The following FAM178B variants were observed in gnomAD, a reference collection of about 807,000 sequenced individuals.
FAM178B encodes the protein protein FAM178B.
In FAM178B, 82 loss-of-function variants were observed where a neutral mutation model predicts 91.7. The ratio of observed to expected loss-of-function variants is 0.89; its 90% confidence interval spans 0.75 to 1.07. The LOEUF (loss-of-function observed/expected upper bound fraction) is 1.07, where lower values mean the gene tolerates loss of function less well. Among genes scored for constraint, FAM178B ranks in the 50% least tolerant of loss-of-function variants. The probability of loss-of-function intolerance (pLI) is 0.00; values close to 1 mark genes in which losing one functional copy is unlikely to be tolerated. For synonymous variants in FAM178B, 368 were observed against 359.4 expected (o/e 1.02, Z -0.27); for missense variants, 769 against 846.7 (o/e 0.91, Z 1.14).
At position 96,921,221 on chromosome 2, in the gene FAM178B, G is replaced by C; in HGVS notation, c.1506C>G (p.His502Gln). The change falls in exon 12 of 17, where the codon CAC becomes CAG. Residue 502 changes from histidine (H) to glutamine (Q), a missense_variant. Physicochemically the swap from His to Gln is conservative, Grantham distance 24. Transcript: ENST00000490605. The part of the protein sequence containing the change: ...LCCTLSWVSD[H>Q]HHNLLALVQF... ...GCACGAGGGCCAGCAGGTTGTGGTG[G>C]TGGTCAGACACCCAGCTCAGGGTGC... 1 of 1,551,602 alleles carries C rather than the reference G, an allele frequency of 6.4e-7. No homozygotes were observed. The highest frequency in any genetic ancestry group is 1.2e-5 in the South Asian group (1 of 84,060).
chr2:96,932,525 C>T (rs895236424), intron 8 of FAM178B, among the ~76,000 whole-genome samples: 4 of 152,200 alleles, frequency 2.6e-5, no homozygotes, highest in African/African-American at 4.8e-5. Context: ...GGAGAGCTGA[C>T]ACAGAGGAAA....
intron 8 of FAM178B, among the ~76,000 whole-genome samples, chr2:96,945,614 C>T (rs1437296032): frequency 2.0e-5 from 3 of 152,216 alleles, no homozygotes; most frequent in Non-Finnish European, 4.4e-5. Flanking sequence ...CTATCCTGAG[C>T]TCTGTGCCCC....
chr2:96,904,518 C>T (rs1477280802), intron 12 of FAM178B, among the ~76,000 whole-genome samples: 6 of 151,020 alleles, frequency 4.0e-5, no homozygotes, highest in Non-Finnish European at 7.4e-5. Flanking sequence ...ACTACAGTCA[C>T]GCACGCGCCA....
Position 96,986,551 on chromosome 2 carries a change from CGCCAGCTGGGGAGCTCGCCG to C in FAM178B, c.-258_-239del. ...GCGGCCAGCTCACAGCCGCCGCCGC[CGCCAGCTGGGGAGCTCGCCG>C]GCCAAGTGCGCACCCTCTTCCTGTT... is the stretch of plus-strand genomic sequence containing the variant. On this transcript the variant is annotated 5_prime_UTR_variant, in exon 1 of 17. Coordinates refer to ENST00000490605, the MANE Select transcript of FAM178B (RefSeq NM_001122646.3). The C allele has an allele frequency of 1.9e-6, 1 of 524,244 alleles. No homozygotes were observed. The highest frequency in any genetic ancestry group is 3.4e-6 in the Non-Finnish European group (1 of 297,282). 32.5% of individuals were successfully genotyped at this position (524,244 alleles called of 1,614,324 possible). A position where few individuals can be genotyped will look rare whatever the true frequency, so the allele number is the denominator to read the frequency against.
At chr2:96,914,624 C>T (rs912916681) in intron 12 of FAM178B, among the ~76,000 whole-genome samples, 4 of 152,204 alleles carry the variant, frequency 2.6e-5, no homozygotes, top group African/African-American at 9.6e-5. Context: ...CACTGTGGCT[C>T]ATGCCTGTGA....
At chr2:96,935,063 C>A (rs914418574) in intron 8 of FAM178B, among the ~76,000 whole-genome samples, 1 of 152,178 alleles carries the variant, frequency 6.6e-6, no homozygotes, top group South Asian at 2.1e-4. Context: ...GCACTCGAGG[C>A]CCCCGGTATG....
chr2:96,978,628 CT>C (rs70964892), intron 1 of FAM178B, among the ~76,000 whole-genome samples: 99,666 of 134,558 alleles, frequency 0.74, 37,531 homozygotes, highest in Non-Finnish European at 0.84. Flanking sequence ...ATGATTTCTT[CT>C]TTTTTTTTTT....
intron 5 of FAM178B, among the ~76,000 whole-genome samples, chr2:96,965,844 T>C (rs1411940475): frequency 6.6e-6 from 1 of 152,090 alleles, no homozygotes; most frequent in Non-Finnish European, 1.5e-5. Flanking sequence ...TTGAGTCCTC[T>C]CTTACTCCTA....
intron 1 of FAM178B, 28 bp downstream of exon 1, chr2:96,986,213 T>G: frequency 6.5e-7 from 1 of 1,534,214 alleles, no homozygotes; most frequent in Non-Finnish European, 8.7e-7. Context: ...CACGCGCCCC[T>G]GCGGTTCCTC....
chr2:96,956,017 G>C (rs1244214846), intron 6 of FAM178B, among the ~76,000 whole-genome samples: 1 of 152,188 alleles, frequency 6.6e-6, no homozygotes, highest in African/African-American at 2.4e-5. Flanking sequence ...TGGAAAGCAC[G>C]CTGGTCCTCG....
In FAM178B at chr2:96,947,915, A is replaced by AAAAAAC. The variant is rs758715951; in HGVS notation, c.994-19_994-14dup. Reference sequence around the variant, plus strand: ...GCCATGTCAGCAGCTAGGTGGAAAAAAAAAACAAAAACAAAAACCTGGTGA... The same window carrying AAAAAAC: ...GCCATGTCAGCAGCTAGGTGGAAAAAAAAAACAAAAACAAAAACAAAAACCTGGTGA... On this transcript the variant is annotated splice_polypyrimidine_tract_variant and intron_variant, in intron 7 of 16. Coordinates refer to ENST00000490605, the MANE Select transcript of FAM178B (RefSeq NM_001122646.3). The AAAAAAC allele has an allele frequency of 4.7e-6, 7 of 1,485,782 alleles. No homozygotes were observed. Among genetic ancestry groups the AAAAAAC allele is most frequent in the Admixed American group, 4.2e-5 (2 of 47,300 alleles). The allele number at this position is 1,485,782 out of a possible 1,614,324, so 92.0% of individuals were successfully genotyped here.
At chr2:96,896,470 G>C (rs2080825860) in intron 13 of FAM178B, among the ~76,000 whole-genome samples, 1 of 152,038 alleles carries the variant, frequency 6.6e-6, no homozygotes, top group Non-Finnish European at 1.5e-5. Context: ...GGCCAGACCA[G>C]AACTCTCCCT....
chr2:96,972,061 AC>A lies in FAM178B; in HGVS notation c.403del (p.Val135TrpfsTer9). 3 of 1,546,546 alleles carry A rather than the reference AC, an allele frequency of 1.9e-6. No homozygotes were observed. The highest frequency in any genetic ancestry group is 2.6e-6 in the Non-Finnish European group (3 of 1,145,108). ...CAGGCCCTGGGGGCCCACCACACCC[AC>A]CCACCTCTGGGCCGGGGCCTCCCGA... is the stretch of plus-strand genomic sequence containing the variant. ...ASREAPAQRW[V>X]GVVGPQGLRR... On this transcript the variant is annotated frameshift_variant, in exon 3 of 17. Transcript: ENST00000490605. LOFTEE classifies it high-confidence loss of function.
chr2:96,971,048 C>T (rs1286685320), intron 3 of FAM178B, among the ~76,000 whole-genome samples: 1 of 151,922 alleles, frequency 6.6e-6, no homozygotes, highest in African/African-American at 2.4e-5. Flanking sequence ...CACACAGAGA[C>T]AGCAAACAAC....
chr2:96,877,040 G>A (rs974012961), intron 16 of FAM178B, among the ~76,000 whole-genome samples: 2 of 152,186 alleles, frequency 1.3e-5, no homozygotes, highest in Non-Finnish European at 2.9e-5. Flanking sequence ...CTGCTCATCT[G>A]TAAAATGGGC....
chr2:96,902,624 G>T lies in FAM178B; in HGVS notation c.1646C>A (p.Thr549Asn). The T allele has an allele frequency of 6.5e-7, 1 of 1,549,072 alleles. No homozygotes were observed. The highest frequency in any genetic ancestry group is 8.7e-7 in the Non-Finnish European group (1 of 1,144,960). ...AGGCCTGAAGCAAACACTCACCTGG[G>T]TCTTCTCTTGCCAGAGAGGGAGCAT... ...QEMLPLWQEK[T>N]QLSSLSRLLG... Residue 549 changes from threonine to asparagine, a missense_variant, in exon 13 of 17, where the codon ACC (threonine) becomes AAC (asparagine). Transcript: ENST00000490605.
chr2:96,965,447 A>G (rs2082131397), intron 5 of FAM178B, among the ~76,000 whole-genome samples: 1 of 151,476 alleles, frequency 6.6e-6, no homozygotes, highest in African/African-American at 2.4e-5. Context: ...CATGTAGCGC[A>G]GTCAATCAGT....
intron 8 of FAM178B, among the ~76,000 whole-genome samples, chr2:96,930,596 C>T (rs2081524313): frequency 6.6e-6 from 1 of 152,184 alleles, no homozygotes; most frequent in South Asian, 2.1e-4. Context: ...TCTACAGGCC[C>T]CATGCCTAAA....
chr2:96,942,335 T>G (rs556917939), intron 8 of FAM178B, among the ~76,000 whole-genome samples: 1 of 152,352 alleles, frequency 6.6e-6, no homozygotes, highest in South Asian at 2.1e-4. Context: ...CTTTCAATGT[T>G]GCAGAAATTG....
Sources: allele counts gnomAD v4.1 joint callset (sites outside exome capture counted in the v4.1 genomes callset), GRCh38; gene constraint gnomAD v4.1.1; transcripts MANE v1.5; gene names NCBI Gene and HGNC (gene_info 2026-07-23, HGNC 2026-07-21).